THSD7B: variants seen among roughly 807,000 people sequenced by gnomAD.
The protein encoded by THSD7B is thrombospondin type 1 domain containing 7B.
In THSD7B, 138 loss-of-function variants were observed where a neutral mutation model predicts 213.6. The ratio of observed to expected loss-of-function variants is 0.65; its 90% confidence interval spans 0.56 to 0.74. The LOEUF (loss-of-function observed/expected upper bound fraction) is 0.74, where lower values mean the gene tolerates loss of function less well. THSD7B is among the 30% of genes least tolerant of loss of function. The probability of loss-of-function intolerance (pLI) is 0.00; values close to 1 mark genes in which losing one functional copy is unlikely to be tolerated. For synonymous variants in THSD7B, 742 were observed against 687.0 expected, an observed-to-expected ratio of 1.08 and a Z score of -1.25; for missense variants, 1,931 against 1,991.5, an observed-to-expected ratio of 0.97 and a Z score of 0.58.
At chr2:137,631,851 A>C (rs1682747533) in intron 20 of THSD7B, among the ~76,000 whole-genome samples, 1 of 152,204 alleles carries the variant, frequency 6.6e-6, no homozygotes, top group Non-Finnish European at 1.5e-5. Flanking sequence ...CCACTCACTC[A>C]TCCTGTGCAG....
intron 12 of THSD7B, among the ~76,000 whole-genome samples, chr2:137,335,666 A>G (rs965464354): frequency 6.6e-6 from 1 of 152,186 alleles, no homozygotes; most frequent in African/African-American, 2.4e-5. Context: ...CAGAGGGGGT[A>G]GTAAGGTGAT....
intron 20 of THSD7B, among the ~76,000 whole-genome samples, chr2:137,634,795 A>C (rs541723837): frequency 4.6e-5 from 7 of 152,282 alleles, no homozygotes; most frequent in African/African-American, 7.2e-5. Flanking sequence ...AATTGCTTAA[A>C]ATTTCCTACA....
intron 7 of THSD7B, among the ~76,000 whole-genome samples, chr2:137,207,016 A>G (rs551294914): frequency 6.6e-6 from 1 of 152,176 alleles, no homozygotes; most frequent in East Asian, 1.9e-4. Context: ...TTTTCCAAAA[A>G]GGAAAGTTCA....
rs552063006 is a variant in THSD7B, at chr2:137,396,779, T to A, written c.2501-8834T>A. Among the ~76,000 whole-genome samples the A allele has an allele frequency of 4.3e-3, 645 of 151,326 alleles. 4 individuals carry two copies. The highest frequency in any genetic ancestry group is 6.9e-3 in the Non-Finnish European group (470 of 67,874). On this transcript the variant is annotated intron_variant, in intron 12 of 27. Coordinates refer to ENST00000409968, the MANE Select transcript of THSD7B (RefSeq NM_001316349.2). ...GACAGTGGGGTGTTAAAGTCTCCCA[T>A]TATTAATGTGTGGGAGTCTAAGTCT...
intron 15 of THSD7B, among the ~76,000 whole-genome samples, chr2:137,509,905 G>A (rs1238683567): frequency 6.6e-6 from 1 of 152,010 alleles, no homozygotes; most frequent in East Asian, 1.9e-4. Context: ...TTCATTTCTT[G>A]ACGGCTATTT....
At chr2:137,144,383 A>C (rs1679650163) in intron 5 of THSD7B, among the ~76,000 whole-genome samples, 2 of 152,044 alleles carry the variant, frequency 1.3e-5, no homozygotes, top group African/African-American at 4.8e-5. Context: ...ATATAACCAC[A>C]CTAATTTATT....
rs375931617 is a variant in THSD7B at position 137,233,037 on chromosome 2, C to G, written c.2054C>G (p.Thr685Ser). The G allele has an allele frequency of 6.2e-7, 1 of 1,613,894 alleles. No individual in the cohort carries two copies. Among genetic ancestry groups the G allele is most frequent in the Non-Finnish European group, 8.5e-7 (1 of 1,179,828 alleles). The change falls in exon 9 of 28, where the codon ACC becomes AGC. Residue 685 changes from threonine (T) to serine (S), a missense_variant. Thr to Ser is a moderately conservative substitution (Grantham distance 58). Coordinates refer to ENST00000409968, the MANE Select transcript of THSD7B (RefSeq NM_001316349.2). The stretch of plus-strand genomic sequence containing the variant: ...ACATTGGTAACTGCCCTTAATGCAA[C>G]CATTGGCTGGAATGGAGAAGCCACG... ...EDTLVTALNA[T>S]IGWNGEATCG... is the part of the protein sequence containing the mutation.
chr2:137,393,306 C>G (rs186444897), intron 12 of THSD7B, among the ~76,000 whole-genome samples: 1 of 151,828 alleles, frequency 6.6e-6, no homozygotes, highest in South Asian at 2.1e-4. Context: ...GCTATCCCTC[C>G]CCCTTCCCAC....
intron 7 of THSD7B, among the ~76,000 whole-genome samples, chr2:137,225,654 T>C (rs1303904569): frequency 6.6e-6 from 1 of 152,188 alleles, no homozygotes; most frequent in Non-Finnish European, 1.5e-5. Flanking sequence ...AAATACTGCA[T>C]GTGATGTGGT....
intron 12 of THSD7B, among the ~76,000 whole-genome samples, chr2:137,339,354 C>T (rs1684707720): frequency 6.6e-6 from 1 of 151,898 alleles, no homozygotes; most frequent in South Asian, 2.1e-4. Context: ...TCATGCTCTA[C>T]TGAGTGCTAT....
chr2:136,868,686 A>G (rs1434710320), intron 1 of THSD7B, among the ~76,000 whole-genome samples: 3 of 152,178 alleles, frequency 2.0e-5, no homozygotes, highest in Non-Finnish European at 4.4e-5. Context: ...TTGTTCACAC[A>G]TTCCAGTTAT....
At chr2:136,797,496 C>T (rs923682227) in intron 1 of THSD7B, among the ~76,000 whole-genome samples, 5 of 151,934 alleles carry the variant, frequency 3.3e-5, no homozygotes, top group Non-Finnish European at 2.9e-5. Flanking sequence ...CACAGAAAGA[C>T]CATAGAGTAG....
chr2:137,140,004 G>A (rs900460515), intron 5 of THSD7B, among the ~76,000 whole-genome samples: 4 of 151,466 alleles, frequency 2.6e-5, no homozygotes, highest in African/African-American at 9.8e-5. Context: ...AATTTATAGA[G>A]AGAATATGTA....
chr2:136,993,470 T>C (rs574831016), intron 2 of THSD7B, among the ~76,000 whole-genome samples: 1 of 152,336 alleles, frequency 6.6e-6, no homozygotes, highest in East Asian at 1.9e-4. Flanking sequence ...TTTAGCCTTG[T>C]AGTCAAGAAT....
At chr2:137,125,375 A>G (rs540673907) in intron 5 of THSD7B, among the ~76,000 whole-genome samples, 1 of 152,340 alleles carries the variant, frequency 6.6e-6, no homozygotes, top group East Asian at 1.9e-4. Flanking sequence ...TGTTGAGAGC[A>G]TCTTCACCAG....
At chr2:137,056,285 A>T (rs80093703) in intron 2 of THSD7B, 135 bp from the exon 3 acceptor site, 1 of 801,804 alleles carries the variant, frequency 1.2e-6, no homozygotes, top group Non-Finnish European at 1.9e-6. Flanking sequence ...CCACTAAATT[A>T]TGTTGTCTCT....
chr2:137,147,205 A>G (rs1429968811), intron 5 of THSD7B, among the ~76,000 whole-genome samples: 1 of 152,168 alleles, frequency 6.6e-6, no homozygotes, highest in African/African-American at 2.4e-5. Flanking sequence ...CTTGTAATAC[A>G]TGAATGCACA....
At chr2:137,303,694 TTATATATATTTA>T (rs1163593492) in intron 12 of THSD7B, among the ~76,000 whole-genome samples, 34 of 93,950 alleles carry the variant, frequency 3.6e-4, no homozygotes, top group African/African-American at 1.5e-3. Flanking sequence ...TTATATATAT[TTATATATATTTA>T]TATATATATT....
intron 2 of THSD7B, among the ~76,000 whole-genome samples, chr2:137,009,275 A>T (rs1686178344): frequency 6.6e-6 from 1 of 152,144 alleles, no homozygotes; most frequent in Non-Finnish European, 1.5e-5. Flanking sequence ...GCCTTGAATC[A>T]TTGAAGGCAG....
Sources: gnomAD v4.1 joint callset for allele counts (sites outside exome capture counted in the v4.1 genomes callset) on GRCh38, gnomAD v4.1.1 for gene constraint, MANE v1.5 for transcripts, NCBI Gene and HGNC (gene_info 2026-07-23, HGNC 2026-07-21) for gene names.